CWC27: variants seen among roughly 807,000 people sequenced by gnomAD.
CWC27 encodes the protein spliceosome-associated protein CWC27 homolog.
In CWC27, 47 loss-of-function variants were observed where a neutral mutation model predicts 63.6. The ratio of observed to expected loss-of-function variants is 0.74; its 90% confidence interval spans 0.58 to 0.94. The LOEUF is 0.94. Ranked by LOEUF, CWC27 falls within the 40% of genes least tolerant of loss-of-function variation. The pLI is 0.00. For synonymous variants in CWC27, 175 were observed against 179.8 expected, an observed-to-expected ratio of 0.97 and a Z score of 0.22; for missense variants, 495 against 554.3, an observed-to-expected ratio of 0.89 and a Z score of 1.07.
chr5:64,898,188 A>G (rs1747424735), intron 11 of CWC27, among the ~76,000 whole-genome samples: 1 of 152,230 alleles, frequency 6.6e-6, no homozygotes. Flanking sequence ...GACACAATGC[A>G]GTTGTTAGGA....
At chr5:64,839,863 G>T (rs950996895) in intron 10 of CWC27, among the ~76,000 whole-genome samples, 1 of 152,058 alleles carries the variant, frequency 6.6e-6, no homozygotes, top group African/African-American at 2.4e-5. Context: ...AAAAGAAGTG[G>T]CAACTTGACA....
At chr5:64,796,010 T>C (rs933793993) in intron 7 of CWC27, among the ~76,000 whole-genome samples, 1 of 141,302 alleles carries the variant, frequency 7.1e-6, no homozygotes, top group African/African-American at 3.1e-5. Context: ...TGCGTGTGTG[T>C]GTGTGTGTGT....
At chr5:64,899,112 A>G (rs1747445262) in intron 11 of CWC27, among the ~76,000 whole-genome samples, 1 of 152,184 alleles carries the variant, frequency 6.6e-6, no homozygotes, top group Non-Finnish European at 1.5e-5. Flanking sequence ...CTTTACTAAA[A>G]GGTAAAAGGG....
rs186609785 is a variant in CWC27, at chr5:64,911,074, G to A, written c.1042+25528G>A. 1.2e-3 allele frequency among the ~76,000 whole-genome samples: 182 copies of A among 152,200 alleles called. 3 individuals are homozygous for A. Among genetic ancestry groups the A allele is most frequent in the African/African-American group, 4.3e-3 (177 of 41,528 alleles). On this transcript the variant is annotated intron_variant, in intron 11 of 13. Transcript: ENST00000381070. The stretch of plus-strand genomic sequence containing the variant: ...ATGCAGACCAGAGCTGTTCCTATTC[G>A]GCCATCTTGGAACAGACAGCACTGA...
intron 13 of CWC27, among the ~76,000 whole-genome samples, chr5:64,997,416 A>C (rs1749652655): frequency 6.6e-6 from 1 of 152,174 alleles, no homozygotes; most frequent in Admixed American, 6.5e-5. Context: ...TGCTCAATAA[A>C]TGTGTTCTTG....
At chr5:64,874,827 G>A (rs1746758718) in intron 10 of CWC27, among the ~76,000 whole-genome samples, 1 of 151,402 alleles carries the variant, frequency 6.6e-6, no homozygotes, top group Non-Finnish European at 1.5e-5. Context: ...GCACTTCTAT[G>A]TGTTGAGTCA....
chr5:64,976,023 G>A (rs539959097), intron 12 of CWC27, among the ~76,000 whole-genome samples: 50 of 152,094 alleles, frequency 3.3e-4, no homozygotes, highest in Non-Finnish European at 5.1e-4. Context: ...AGCCAAGATC[G>A]CGCCATTGCA....
intron 13 of CWC27, among the ~76,000 whole-genome samples, chr5:65,002,011 A>T (rs996355857): frequency 6.6e-6 from 1 of 151,946 alleles, no homozygotes; most frequent in African/African-American, 2.4e-5. Flanking sequence ...TGGTCTGCTC[A>T]GGTTTTCTGT....
chr5:64,778,280 G>A (rs974455601), intron 2 of CWC27, among the ~76,000 whole-genome samples: 2 of 151,858 alleles, frequency 1.3e-5, no homozygotes, highest in Non-Finnish European at 1.5e-5. Context: ...GCTCTCTGTC[G>A]CATGCACTTG....
chr5:64,920,818 A>T (rs1323762245), intron 11 of CWC27, among the ~76,000 whole-genome samples: 1 of 151,856 alleles, frequency 6.6e-6, no homozygotes, highest in Non-Finnish European at 1.5e-5. Flanking sequence ...GTCATATATG[A>T]TTGTGTTTAT....
chr5:64,812,414 G>C (rs928663966), intron 10 of CWC27, among the ~76,000 whole-genome samples: 1 of 152,100 alleles, frequency 6.6e-6, no homozygotes, highest in South Asian at 2.1e-4. Flanking sequence ...CAACGTGTTG[G>C]ACTGAAGCAG....
rs552856560 is a variant in CWC27, at chr5:64,892,295, C to A, written c.1042+6749C>A. On this transcript the variant is annotated intron_variant, in intron 11 of 13. Transcript: ENST00000381070. ...TTACTAATATCTGTGTCATTCCTGA[C>A]CCAGTAAAAATAGATTGCTTAATTC... Among the ~76,000 whole-genome samples the A allele has an allele frequency of 3.9e-5, 6 of 151,992 alleles. No homozygotes were observed. The South Asian group carries it at 1.0e-3, about 26-fold the overall frequency.
chr5:64,917,893 C>T (rs1386497377), intron 11 of CWC27, among the ~76,000 whole-genome samples: 1 of 151,976 alleles, frequency 6.6e-6, no homozygotes, highest in African/African-American at 2.4e-5. Context: ...CTTGAAACTT[C>T]TCGGGCTCCA....
chr5:64,789,435 T>TCA (rs1744000681), intron 7 of CWC27, among the ~76,000 whole-genome samples: 2 of 152,122 alleles, frequency 1.3e-5, no homozygotes, highest in South Asian at 4.1e-4. Flanking sequence ...ATTACAGCCC[T>TCA]TTGAGATGGG....
chr5:64,811,454 C>T (rs921068142), intron 10 of CWC27, among the ~76,000 whole-genome samples: 8 of 151,924 alleles, frequency 5.3e-5, no homozygotes, highest in Non-Finnish European at 1.2e-4. Context: ...TATTGTGATT[C>T]TAAATTTTTA....
At chr5:64,892,365 A>T (rs548545371) in intron 11 of CWC27, among the ~76,000 whole-genome samples, 9 of 143,554 alleles carry the variant, frequency 6.3e-5, no homozygotes, top group African/African-American at 2.0e-4. Flanking sequence ...CTCTTTATTT[A>T]AAAAAAAAAG....
At chr5:64,874,154 C>CTTTTTTTTT (rs748768571) in intron 10 of CWC27, among the ~76,000 whole-genome samples, 1 of 48,776 alleles carries the variant, frequency 2.1e-5, no homozygotes, top group Non-Finnish European at 3.5e-5. Flanking sequence ...ATTGTTGATG[C>CTTTTTTTTT]TTTTTTTTTT....
chr5:64,778,903 A>T (rs7701842), intron 2 of CWC27, among the ~76,000 whole-genome samples: 79,374 of 152,006 alleles, frequency 0.52, 21,415 homozygotes, highest in East Asian at 0.85. Context: ...CTTCCTTTCT[A>T]CTTCTTATGT....
chr5:64,834,972 A>G (rs1412050555), intron 10 of CWC27, among the ~76,000 whole-genome samples: 3 of 151,798 alleles, frequency 2.0e-5, no homozygotes, highest in African/African-American at 7.2e-5. Flanking sequence ...ATTGCATAGT[A>G]TAGAAACCTC....
Sources: allele counts gnomAD v4.1 joint callset (sites outside exome capture counted in the v4.1 genomes callset), GRCh38; gene constraint gnomAD v4.1.1; transcripts MANE v1.5; gene names NCBI Gene and HGNC (gene_info 2026-07-23, HGNC 2026-07-21).